Variants in MOXD1 observed in about 807,000 individuals in gnomAD.
MOXD1 encodes DBH-like monooxygenase protein 1.
A neutral mutation model predicts 66.6 loss-of-function variants in MOXD1; 62 were observed. The ratio of observed to expected loss-of-function variants is 0.93; its 90% CI spans 0.76 to 1.15. The LOEUF is 1.15. MOXD1 is among the 50% of genes most tolerant of loss of function. The pLI is 0.00. For synonymous variants in MOXD1, 303 were observed against 281.9 expected, an observed-to-expected ratio of 1.07 and a Z score of -0.75; for missense variants, 847 against 754.6, an observed-to-expected ratio of 1.12 and a Z score of -1.44.
At chr6:132,316,987 C>T (rs1774974365) in intron 9 of MOXD1, among the ~76,000 whole-genome samples, 1 of 151,992 alleles carries the variant, frequency 6.6e-6, no homozygotes, top group African/African-American at 2.4e-5. Flanking sequence ...AGACACATCA[C>T]AGTCATACTG....
At chr6:132,349,424 T>TGTATATATATATACAC (rs1775746222) in intron 4 of MOXD1, among the ~76,000 whole-genome samples, 1 of 22,318 alleles carries the variant, frequency 4.5e-5, no homozygotes, top group Non-Finnish European at 7.9e-5. Flanking sequence ...TATATATACA[T>TGTATATATATATACAC]ATATATATAT....
chr6:132,303,829 G>A (rs1036316887), intron 10 of MOXD1, among the ~76,000 whole-genome samples: 1 of 70,608 alleles, frequency 1.4e-5, no homozygotes, highest in African/African-American at 4.9e-5. Context: ...GTGTGTGTGT[G>A]TGTGTGTATA....
chr6:132,367,235 G>A (rs1776167167), intron 4 of MOXD1, among the ~76,000 whole-genome samples: 1 of 152,034 alleles, frequency 6.6e-6, no homozygotes, highest in Non-Finnish European at 1.5e-5. Context: ...TGACTTGTTT[G>A]GGATCCCTCT....
chr6:132,317,462 G>T (rs1774984411), intron 9 of MOXD1, among the ~76,000 whole-genome samples: 2 of 152,106 alleles, frequency 1.3e-5, no homozygotes, highest in Non-Finnish European at 2.9e-5. Flanking sequence ...GGCCTTTGCA[G>T]CATCTTATCA....
intron 10 of MOXD1, among the ~76,000 whole-genome samples, chr6:132,309,939 T>C (rs1188098730): frequency 6.6e-6 from 1 of 152,192 alleles, no homozygotes; most frequent in African/African-American, 2.4e-5. Flanking sequence ...GACATAGGCA[T>C]GGGCAAAGAC....
At chr6:132,303,338 A>G (rs976320143) in intron 10 of MOXD1, among the ~76,000 whole-genome samples, 4 of 152,122 alleles carry the variant, frequency 2.6e-5, no homozygotes, top group Non-Finnish European at 5.9e-5. Flanking sequence ...TGAACAATGA[A>G]CAAAAATTCT....
intron 2 of MOXD1, among the ~76,000 whole-genome samples, chr6:132,373,371 G>C (rs917689739): frequency 2.2e-4 from 33 of 152,154 alleles, no homozygotes; most frequent in African/African-American, 8.0e-4. Flanking sequence ...CAGCAGCAGA[G>C]ACTTTGGAAA....
At chr6:132,401,069 T>C in intron 1 of MOXD1, 94 bp downstream of exon 1, 1 of 1,347,882 alleles carries the variant, frequency 7.4e-7, no homozygotes, top group Non-Finnish European at 9.6e-7. Context: ...GAGAGAGAGC[T>C]GCGGGCCCCG....
chr6:132,320,059 G>A (rs1313626519), intron 9 of MOXD1, among the ~76,000 whole-genome samples: 1 of 151,988 alleles, frequency 6.6e-6, no homozygotes, highest in South Asian at 2.1e-4. Flanking sequence ...CATACTACTG[G>A]CCCCTTTTAT....
chr6:132,313,293 TTG>T (rs1049937249), intron 10 of MOXD1, among the ~76,000 whole-genome samples: 1 of 152,202 alleles, frequency 6.6e-6, no homozygotes, highest in African/African-American at 2.4e-5. Flanking sequence ...CCTGTTGGAA[TTG>T]TGTAAAAATG....
intron 4 of MOXD1, among the ~76,000 whole-genome samples, chr6:132,349,234 G>A (rs1209827743): frequency 6.8e-6 from 1 of 146,492 alleles, no homozygotes; most frequent in East Asian, 2.0e-4. Context: ...TACAATATTT[G>A]GTCTTCCATT....
chr6:132,314,838 C>T (rs1774906699), intron 10 of MOXD1, among the ~76,000 whole-genome samples: 1 of 152,140 alleles, frequency 6.6e-6, no homozygotes. Flanking sequence ...CTCCAGAATA[C>T]AATCTCAAGA....
At chr6:132,313,712 G>A (rs532608297) in intron 10 of MOXD1, among the ~76,000 whole-genome samples, 4 of 152,124 alleles carry the variant, frequency 2.6e-5, no homozygotes, top group South Asian at 4.1e-4. Flanking sequence ...TCAGGAGTTC[G>A]AGACCAGCCT....
At chr6:132,304,457 C>G (rs1285866484) in intron 10 of MOXD1, among the ~76,000 whole-genome samples, 1 of 152,182 alleles carries the variant, frequency 6.6e-6, no homozygotes, top group African/African-American at 2.4e-5. Flanking sequence ...AGCCTTGAAT[C>G]TCACATTGCC....
At chr6:132,346,997 G>A (rs866773383) in intron 4 of MOXD1, among the ~76,000 whole-genome samples, 1 of 152,116 alleles carries the variant, frequency 6.6e-6, no homozygotes, top group Admixed American at 6.5e-5. Flanking sequence ...TTATGATCAC[G>A]TAAAAGATAA....
chr6:132,310,201 C>T (rs1218546501), intron 10 of MOXD1, among the ~76,000 whole-genome samples: 1 of 152,156 alleles, frequency 6.6e-6, no homozygotes, highest in African/African-American at 2.4e-5. Flanking sequence ...TATGAACAGA[C>T]ACTTCTCAAA....
Position 132,352,817 on chromosome 6 carries a change from G to A in MOXD1, c.663+19791C>T, listed in dbSNP as rs188722013. Among the ~76,000 whole-genome samples, 582 of 152,234 alleles carry A rather than the reference G, an allele frequency of 3.8e-3. 3 individuals are homozygous for A. The highest frequency in any genetic ancestry group is 0.034 in the Middle Eastern group (10 of 294). ...GTTTTACAATTTTGAGAGCTCCAAT[G>A]TTACGTGCATGTATGTTTAGGATTG... On this transcript the variant is annotated intron_variant, in intron 4 of 11. Transcript: ENST00000367963.
chr6:132,388,231 A>C (rs908663854), intron 1 of MOXD1, among the ~76,000 whole-genome samples: 3 of 151,350 alleles, frequency 2.0e-5, no homozygotes, highest in African/African-American at 7.3e-5. Flanking sequence ...TCTCCTAAGA[A>C]TTTTACATGC....
intron 4 of MOXD1, among the ~76,000 whole-genome samples, chr6:132,340,447 T>C (rs1005217243): frequency 2.3e-4 from 32 of 137,264 alleles, no homozygotes; most frequent in African/African-American, 7.9e-4. Flanking sequence ...CTTTCTTTTT[T>C]TTTTTTTTTT....
Sources: allele counts gnomAD v4.1 joint callset (sites outside exome capture counted in the v4.1 genomes callset), GRCh38; gene constraint gnomAD v4.1.1; transcripts MANE v1.5; gene names NCBI Gene and HGNC (gene_info 2026-07-23, HGNC 2026-07-21).